ZNF516: variants seen among roughly 807,000 people sequenced by gnomAD.
ZNF516 encodes the protein zinc finger protein 516.
In ZNF516, 19 loss-of-function variants were observed where a neutral mutation model predicts 79.7. The observed-to-expected ratio is 0.24, with a 90% confidence interval of 0.17 to 0.35. The LOEUF (loss-of-function observed/expected upper bound fraction) is 0.35. ZNF516 is among the 10% of genes least tolerant of loss of function. The pLI is 1.00. For synonymous variants in ZNF516, 877 were observed against 739.5 expected (o/e 1.19, Z -3.02); for missense variants, 1,678 against 1,679.5 (o/e 1.00, Z 0.02).
chr18:76,373,332 T>G (rs2074737724), intron 4 of ZNF516, among the ~76,000 whole-genome samples: 1 of 148,122 alleles, frequency 6.8e-6, no homozygotes, highest in Non-Finnish European at 1.5e-5. Context: ...AAGAAGGAAG[T>G]AAAGAAAAGG....
At position 76,489,517 on chromosome 18, in the gene ZNF516, A is replaced by G. The variant is rs114889576; in HGVS notation, c.-272+5627T>C. Among the ~76,000 whole-genome samples, 400 of 150,222 alleles carry G rather than the reference A, an allele frequency of 2.7e-3. 1 individual carries two copies. The highest frequency in any genetic ancestry group is 9.4e-3 in the African/African-American group (382 of 40,798). On this transcript the variant is annotated intron_variant, in intron 1 of 6. Coordinates refer to ENST00000443185, the MANE Select transcript of ZNF516 (RefSeq NM_014643.4). ...AAAGTGGAGACAAAGTGCTTTTCAC[A>G]TTGTGACCTGTTTTCAAAGACCTCT...
chr18:76,459,177 G>A lies in ZNF516; in HGVS notation c.-158+3851C>T, dbSNP rs79358860. Among the ~76,000 whole-genome samples the A allele has an allele frequency of 6.8e-4, 103 of 152,304 alleles. 1 individual carries two copies. In the East Asian group the frequency reaches 0.019, roughly 28 times the overall value. Reference sequence around the variant, plus strand: ...CAGAGCCAGACGCTGCAGCAGTAACGGGGCGCCGGGCCCACCTGCTGCCCC... The same window carrying A: ...CAGAGCCAGACGCTGCAGCAGTAACAGGGCGCCGGGCCCACCTGCTGCCCC... On this transcript the variant is annotated intron_variant, in intron 2 of 6. Coordinates refer to ENST00000443185, the MANE Select transcript of ZNF516 (RefSeq NM_014643.4). This position sits in a 1 kb window ranked among gnomAD's most constrained non-coding sequence, Gnocchi z 5.0.
At chr18:76,477,239 G>C (rs1914225560) in intron 1 of ZNF516, among the ~76,000 whole-genome samples, 1 of 152,156 alleles carries the variant, frequency 6.6e-6, no homozygotes, top group Non-Finnish European at 1.5e-5. Context: ...CCACAAGTCA[G>C]ACAGGAAACA....
Position 76,427,079 on chromosome 18 carries a change from G to C in ZNF516, c.1810+14166C>G, listed in dbSNP as rs374793457. On this transcript the variant is annotated intron_variant, in intron 3 of 6. Coordinates refer to ENST00000443185, the MANE Select transcript of ZNF516 (RefSeq NM_014643.4). The stretch of plus-strand genomic sequence containing the variant: ...AGGGTGGAGACAAGAGCCTGAGAGA[G>C]AGAACGGGCACAATGCCGGGAACAC... 3.3e-5 allele frequency among the ~76,000 whole-genome samples: 5 copies of C among 152,374 alleles called. No homozygotes were observed. The South Asian group carries it at 1.0e-3, about 32-fold the overall frequency.
rs2145556140 is a variant in ZNF516, at chr18:76,442,585, T to G, written c.470A>C (p.Lys157Thr). The G allele has an allele frequency of 6.3e-7, 1 of 1,598,214 alleles. No homozygotes were observed. The highest frequency in any genetic ancestry group is 2.2e-5 in the East Asian group (1 of 44,860). The change falls in exon 3 of 7, where the codon AAG (lysine) becomes ACG (threonine). Residue 157 changes from lysine to threonine, a missense_variant. By Grantham distance (78) the Lys-to-Thr change is moderately conservative. Coordinates refer to ENST00000443185, the MANE Select transcript of ZNF516 (RefSeq NM_014643.4). ...DSGRVLLRSS[K>T]KGAEGSACAP... is the part of the protein sequence containing the mutation. ...GCATGCGGACCCCTCTGCCCCCTTC[T>G]TGCTGCTCCGCAGCAGGACTCTGCC... is the stretch of plus-strand genomic sequence containing the variant.
In ZNF516 at chr18:76,471,348, C is replaced by T. The variant is rs561421679; in HGVS notation, c.-271-8207G>A. Among the ~76,000 whole-genome samples, 6 of 152,276 alleles carry T rather than the reference C, an allele frequency of 3.9e-5. No individual in the cohort carries two copies. The South Asian group carries it at 1.2e-3, about 32-fold the overall frequency. On this transcript the variant is annotated intron_variant, in intron 1 of 6. Transcript: ENST00000443185. ...GAATGGATTGCTGCAGCTCTTGAAT[C>T]ACCTCTAACACCTGGCAAGAGAGGG... is the stretch of plus-strand genomic sequence containing the variant.
rs554358371 is a variant in ZNF516, at chr18:76,361,297, C to T, written c.*1201G>A. 3.3e-5 allele frequency: 5 copies of T among 152,340 alleles called. No individual in the cohort carries two copies. The highest frequency in any genetic ancestry group is 1.2e-4 in the African/African-American group (5 of 41,568). 9.4% of individuals were successfully genotyped at this position (152,340 alleles called of 1,614,324 possible). A position where few individuals can be genotyped will look rare whatever the true frequency, so the allele number is the denominator to read the frequency against. ...TGGAATACCATTTCAATTGCGTACA[C>T]TGCATGGTTTAAGATCCTTTGTTAT... is the stretch of plus-strand genomic sequence containing the variant. On this transcript the variant is annotated 3_prime_UTR_variant, in exon 7 of 7. Coordinates refer to ENST00000443185, the MANE Select transcript of ZNF516 (RefSeq NM_014643.4).
At chr18:76,364,224 A>T (rs1020805281) in intron 6 of ZNF516, among the ~76,000 whole-genome samples, 7 of 152,246 alleles carry the variant, frequency 4.6e-5, no homozygotes, top group African/African-American at 1.7e-4. Flanking sequence ...TTTTCTCTTC[A>T]TAACTGAAGG....
intron 1 of ZNF516, among the ~76,000 whole-genome samples, chr18:76,480,274 C>T (rs1417184428): frequency 1.3e-5 from 2 of 151,034 alleles, no homozygotes; most frequent in African/African-American, 4.9e-5. Flanking sequence ...CTATCATTAA[C>T]ATTAATTTTA....
Position 76,379,078 on chromosome 18 carries a change from A to C in ZNF516, c.3036T>G (p.Thr1012=), listed in dbSNP as rs2145016837. ...TGGACCCCGCAGCACAGGTGGCCAG[A>C]GTCCTCAGCTCCTGGGCTGCCTTCG... The part of the protein sequence containing the change: ...PPSKAAQELR[T]LATCAAGSRG... The change falls in exon 4 of 7, where the codon ACT becomes ACG. Residue 1012 remains threonine, a synonymous_variant. Coordinates refer to ENST00000443185, the MANE Select transcript of ZNF516 (RefSeq NM_014643.4). 1 of 1,611,042 alleles carries C rather than the reference A, an allele frequency of 6.2e-7. No homozygotes were observed. The highest frequency in any genetic ancestry group is 1.7e-5 in the Admixed American group (1 of 60,004).
chr18:76,492,150 C>A (rs974631749), intron 1 of ZNF516: 4 of 985,224 alleles, frequency 4.1e-6, no homozygotes, highest in Admixed American at 6.1e-5. Flanking sequence ...CTCTCCATTG[C>A]ATCATCCCCA....
intron 3 of ZNF516, among the ~76,000 whole-genome samples, chr18:76,395,347 G>A (rs551207663): frequency 2.6e-5 from 4 of 152,252 alleles, no homozygotes; most frequent in South Asian, 2.1e-4. Context: ...ACTATCTAGC[G>A]CATCTGGCTC....
intron 3 of ZNF516, among the ~76,000 whole-genome samples, chr18:76,404,379 A>G (rs1023889745): frequency 2.6e-5 from 4 of 152,118 alleles, no homozygotes; most frequent in African/African-American, 9.7e-5. Flanking sequence ...ATGTGTGTGA[A>G]CGGCAGTTTT....
At chr18:76,430,229 C>T (rs959085171) in intron 3 of ZNF516, among the ~76,000 whole-genome samples, 3 of 152,142 alleles carry the variant, frequency 2.0e-5, no homozygotes, top group Non-Finnish European at 4.4e-5. Context: ...AAAAGTAGAA[C>T]CCAGTAATAT....
intron 1 of ZNF516, among the ~76,000 whole-genome samples, chr18:76,472,981 G>C (rs980437080): frequency 1.3e-5 from 2 of 152,198 alleles, no homozygotes; most frequent in Non-Finnish European, 2.9e-5. Context: ...AGGAGATGGG[G>C]AAAGAAGAGG....
At chr18:76,453,668 T>G (rs1183896327) in intron 2 of ZNF516, among the ~76,000 whole-genome samples, 1 of 152,214 alleles carries the variant, frequency 6.6e-6, no homozygotes, top group Non-Finnish European at 1.5e-5. Context: ...CTCAAAACTG[T>G]GGAAACTGTT....
chr18:76,363,149 G>T (rs1340877973), intron 6 of ZNF516, among the ~76,000 whole-genome samples: 1 of 152,174 alleles, frequency 6.6e-6, no homozygotes, highest in African/African-American at 2.4e-5. Flanking sequence ...ATAAATGGGG[G>T]TCCACAGCTT....
intron 2 of ZNF516, among the ~76,000 whole-genome samples, chr18:76,456,758 G>A (rs1002007433): frequency 6.7e-6 from 1 of 150,306 alleles, no homozygotes; most frequent in African/African-American, 2.4e-5. Flanking sequence ...GGGGTGGGGG[G>A]GGGCCAGTGG....
intron 1 of ZNF516, among the ~76,000 whole-genome samples, chr18:76,474,243 G>C (rs191029248): frequency 6.6e-6 from 1 of 152,084 alleles, no homozygotes; most frequent in Non-Finnish European, 1.5e-5. Flanking sequence ...AATAAAGTAA[G>C]GCTTATCTAA....
Sources: gnomAD v4.1 joint callset for allele counts (sites outside exome capture counted in the v4.1 genomes callset) on GRCh38, gnomAD v4.1.1 for gene constraint, Gnocchi (gnomAD v3.1) non-coding constraint, MANE v1.5 for transcripts, NCBI Gene and HGNC (gene_info 2026-07-23, HGNC 2026-07-21) for gene names.